Variants in THSD7B observed in about 807,000 individuals in gnomAD.
THSD7B encodes the protein thrombospondin type 1 domain containing 7B.
Under a neutral mutation model 213.6 loss-of-function variants are expected in THSD7B, and 138 were observed. The observed-to-expected ratio is 0.65, with a 90% confidence interval of 0.56 to 0.74. The LOEUF is 0.74. Among genes scored for constraint, THSD7B ranks in the 30% least tolerant of loss-of-function variants. THSD7B has a pLI of 0.00. For missense variants in THSD7B, 1,931 were observed against 1,991.5 expected, an observed-to-expected ratio of 0.97 and a Z score of 0.58; for synonymous variants, 742 against 687.0, an observed-to-expected ratio of 1.08 and a Z score of -1.25.
intron 7 of THSD7B, among the ~76,000 whole-genome samples, chr2:137,171,705 G>A (rs549281583): frequency 7.2e-5 from 11 of 152,272 alleles, no homozygotes; most frequent in East Asian, 3.9e-4. Flanking sequence ...GGAATGAAGC[G>A]TTTTGAACTT....
intron 5 of THSD7B, among the ~76,000 whole-genome samples, chr2:137,157,219 A>T (rs1369728495): frequency 6.6e-6 from 1 of 152,176 alleles, no homozygotes; most frequent in Non-Finnish European, 1.5e-5. Flanking sequence ...TTACTCACAG[A>T]TTGGCAGCAA....
intron 10 of THSD7B, among the ~76,000 whole-genome samples, chr2:137,248,853 A>G (rs1412689950): frequency 2.0e-5 from 3 of 152,152 alleles, no homozygotes; most frequent in Admixed American, 6.5e-5. Context: ...TCTTCTGTAA[A>G]CTTTAGATAA....
At chr2:136,970,889 TAGC>T (rs1685393855) in intron 2 of THSD7B, among the ~76,000 whole-genome samples, 1 of 152,218 alleles carries the variant, frequency 6.6e-6, no homozygotes, top group Admixed American at 6.5e-5. Context: ...GGAATCTATA[TAGC>T]ATTATATCAA....
At chr2:137,107,947 C>CA in intron 4 of THSD7B, among the ~76,000 whole-genome samples, 1 of 152,066 alleles carries the variant, frequency 6.6e-6, no homozygotes, top group Admixed American at 6.5e-5. Flanking sequence ...ATCTGTTCAG[C>CA]AAAAAATGAC....
chr2:137,134,349 G>T (rs1573844504), intron 5 of THSD7B, among the ~76,000 whole-genome samples: 1 of 152,074 alleles, frequency 6.6e-6, no homozygotes, highest in African/African-American at 2.4e-5. Context: ...TAAGCCTTTA[G>T]CACAGTTGAT....
At chr2:137,420,002 GT>G (rs1038707791) in intron 14 of THSD7B, among the ~76,000 whole-genome samples, 4 of 152,022 alleles carry the variant, frequency 2.6e-5, no homozygotes, top group African/African-American at 9.7e-5. Flanking sequence ...TCTATTTTTA[GT>G]TTTTTAAGGA....
At chr2:137,309,565 T>C (rs1045144647) in intron 12 of THSD7B, among the ~76,000 whole-genome samples, 6 of 152,096 alleles carry the variant, frequency 3.9e-5, no homozygotes, top group African/African-American at 1.4e-4. Context: ...TGCAGGTTAG[T>C]TACATATGTA....
At chr2:137,068,792 A>C (rs1315102105) in intron 3 of THSD7B, among the ~76,000 whole-genome samples, 1 of 151,994 alleles carries the variant, frequency 6.6e-6, no homozygotes, top group East Asian at 1.9e-4. Context: ...GACAAGTGGC[A>C]TTCTGTTTCC....
chr2:137,520,298 T>C (rs930679967), intron 15 of THSD7B, among the ~76,000 whole-genome samples: 2 of 152,200 alleles, frequency 1.3e-5, no homozygotes, highest in Non-Finnish European at 2.9e-5. Flanking sequence ...AAATGGATGA[T>C]GATGATAATG....
chr2:137,526,622 C>T (rs1156345984), intron 15 of THSD7B, among the ~76,000 whole-genome samples: 1 of 152,104 alleles, frequency 6.6e-6, no homozygotes, highest in Non-Finnish European at 1.5e-5. Context: ...CAGGGTTTTG[C>T]CATGTTGGCC....
intron 17 of THSD7B, among the ~76,000 whole-genome samples, chr2:137,580,482 C>T (rs532048476): frequency 6.6e-6 from 1 of 152,158 alleles, no homozygotes; most frequent in African/African-American, 2.4e-5. Flanking sequence ...TCCTGACATA[C>T]ACCCATATAA....
rs72981701 is a variant in THSD7B at position 136,929,154 on chromosome 2, C to T, written c.139+46837C>T. Among the ~76,000 whole-genome samples the T allele has an allele frequency of 8.7e-3, 1,326 of 152,180 alleles. 29 individuals are homozygous for T. Among genetic ancestry groups the T allele is most frequent in the African/African-American group, 0.031 (1,283 of 41,540 alleles). On this transcript the variant is annotated intron_variant, in intron 2 of 27. Transcript: ENST00000409968. ...TGGATAACTGGAAAATGTAGTTATC[C>T]TTTATGAAATGTGTGGGATTGCCCG...
At position 137,594,726 on chromosome 2, in the gene THSD7B, T is replaced by C. The variant is rs775316301; in HGVS notation, c.3424-21449T>C. On this transcript the variant is annotated intron_variant, in intron 17 of 27. Transcript: ENST00000409968. ...TAGCATTTCCATGTAAATTTTAGGA[T>C]TGCATTGTCGATTTCTTACAATAAT... Among the ~76,000 whole-genome samples, 3 of 152,124 alleles carry C rather than the reference T, an allele frequency of 2.0e-5. 1 individual carries two copies. In the South Asian group the frequency reaches 6.2e-4, roughly 31 times the overall value.
chr2:137,556,893 T>C (rs1573706215), intron 15 of THSD7B, among the ~76,000 whole-genome samples: 1 of 152,278 alleles, frequency 6.6e-6, no homozygotes, highest in African/African-American at 2.4e-5. Context: ...GTTGCAATCC[T>C]AGTCTCTGAT....
At chr2:137,155,793 GT>G (rs1679899910) in intron 5 of THSD7B, among the ~76,000 whole-genome samples, 1 of 152,194 alleles carries the variant, frequency 6.6e-6, no homozygotes, top group African/African-American at 2.4e-5. Context: ...GGTTTAAAGT[GT>G]TAAATTTATT....
chr2:137,489,950 A>G (rs16838993), intron 15 of THSD7B, among the ~76,000 whole-genome samples: 3,115 of 152,260 alleles, frequency 0.02, 107 homozygotes, highest in African/African-American at 0.071. Context: ...CGTAGAGAAA[A>G]CACTTGAGCA....
rs115845295 is a variant in THSD7B, at chr2:137,289,837, C to T, written c.2500+13811C>T. Among the ~76,000 whole-genome samples, 336 of 151,740 alleles carry T rather than the reference C, an allele frequency of 2.2e-3. 3 individuals carry two copies. Among genetic ancestry groups the T allele is most frequent in the African/African-American group, 7.6e-3 (316 of 41,390 alleles). On this transcript the variant is annotated intron_variant, in intron 12 of 27. Coordinates refer to ENST00000409968, the MANE Select transcript of THSD7B (RefSeq NM_001316349.2). ...GTGGGGTAAATATACTGAAGGTGTTCGAGAGGGAGGAAATACTTGAGTAAG... is the reference window on the plus strand; with the variant it reads ...GTGGGGTAAATATACTGAAGGTGTTTGAGAGGGAGGAAATACTTGAGTAAG...
chr2:137,213,449 ATATAT>A (rs1038815108), intron 7 of THSD7B, among the ~76,000 whole-genome samples: 4 of 148,050 alleles, frequency 2.7e-5, no homozygotes, highest in Non-Finnish European at 5.9e-5. Context: ...ATATATTATA[ATATAT>A]TGTCATATTA....
At chr2:137,361,568 G>C (rs190682767) in intron 12 of THSD7B, among the ~76,000 whole-genome samples, 1 of 152,138 alleles carries the variant, frequency 6.6e-6, no homozygotes, top group Non-Finnish European at 1.5e-5. Context: ...ACCGTGGCAC[G>C]AGAACTACAT....
Sources: allele counts gnomAD v4.1 joint callset (sites outside exome capture counted in the v4.1 genomes callset), GRCh38; gene constraint gnomAD v4.1.1; transcripts MANE v1.5; gene names NCBI Gene and HGNC (gene_info 2026-07-23, HGNC 2026-07-21).